Variants in SLC12A1 observed in about 807,000 individuals in gnomAD.
The protein encoded by SLC12A1 is solute carrier family 12 member 1.
Under a neutral mutation model 130.4 loss-of-function variants are expected in SLC12A1, and 89 were observed. The observed-to-expected ratio is 0.68, with a 90% CI of 0.58 to 0.81. The LOEUF (loss-of-function observed/expected upper bound fraction) is 0.81, where lower values mean the gene tolerates loss of function less well. Ranked by LOEUF, SLC12A1 falls within the 40% of genes least tolerant of loss-of-function variation. The pLI, the probability that SLC12A1 is intolerant of heterozygous loss-of-function variation, is 0.00. For synonymous variants in SLC12A1, 499 were observed against 460.0 expected, an observed-to-expected ratio of 1.08 and a Z score of -1.09; for missense variants, 1,310 against 1,336.4, an observed-to-expected ratio of 0.98 and a Z score of 0.31.
At chr15:48,237,097 AG>A in intron 9 of SLC12A1, 1 of 688,404 alleles carries the variant, frequency 1.5e-6, no homozygotes, top group South Asian at 1.5e-5. Flanking sequence ...TCAAGTGCAA[AG>A]GAAAGAGGAA....
At chr15:48,240,066 TATATCC>T (rs2041493285) in intron 9 of SLC12A1, among the ~76,000 whole-genome samples, 1 of 99,572 alleles carries the variant, frequency 1.0e-5, no homozygotes, top group African/African-American at 5.9e-5. Context: ...TATATATATA[TATATCC>T]ATATATATAT....
intron 2 of SLC12A1, among the ~76,000 whole-genome samples, chr15:48,211,729 T>C (rs1448400452): frequency 6.6e-6 from 1 of 152,198 alleles, no homozygotes; most frequent in Non-Finnish European, 1.5e-5. Flanking sequence ...TAAATTTTGG[T>C]TATAATTTCC....
At chr15:48,280,986 C>A (rs1368838137) in intron 20 of SLC12A1, among the ~76,000 whole-genome samples, 2 of 152,078 alleles carry the variant, frequency 1.3e-5, no homozygotes, top group African/African-American at 4.8e-5. Flanking sequence ...TTTCAACATA[C>A]AATTCTTGAG....
At chr15:48,237,209 AAAG>A in intron 9 of SLC12A1, 1 of 577,040 alleles carries the variant, frequency 1.7e-6, no homozygotes, top group Non-Finnish European at 3.1e-6. Flanking sequence ...CCGACAGGAC[AAAG>A]AAGAGACGGA....
chr15:48,241,703 G>C, intron 10 of SLC12A1, 104 bp downstream of exon 10: 1 of 806,046 alleles, frequency 1.2e-6, no homozygotes, highest in Non-Finnish European at 2.1e-6. Flanking sequence ...TTTTTTAAAA[G>C]GCAACAATTT....
chr15:48,235,757 A>C (rs1447144419), intron 9 of SLC12A1, among the ~76,000 whole-genome samples: 1 of 152,232 alleles, frequency 6.6e-6, no homozygotes, highest in Non-Finnish European at 1.5e-5. Flanking sequence ...CCAGTGGAAT[A>C]AGAAAAGTCT....
intron 21 of SLC12A1, 126 bp from the exon 22 acceptor site, chr15:48,287,917 T>G (rs986763979): frequency 2.0e-5 from 20 of 1,019,298 alleles, no homozygotes; most frequent in Middle Eastern, 2.1e-4. Flanking sequence ...ATACCGCTAT[T>G]TATTTTAGGT....
chr15:48,259,764 C>T (rs762166170), intron 17 of SLC12A1, among the ~76,000 whole-genome samples: 76 of 152,136 alleles, frequency 5.0e-4, no homozygotes, highest in Non-Finnish European at 3.7e-4. Context: ...AGTTTGATGA[C>T]ATTGCAGATA....
intron 15 of SLC12A1, among the ~76,000 whole-genome samples, chr15:48,252,668 AT>A (rs1441366590): frequency 2.0e-5 from 3 of 152,068 alleles, no homozygotes; most frequent in Non-Finnish European, 4.4e-5. Context: ...TTTAACAAAT[AT>A]TTTTTAAATG....
intron 15 of SLC12A1, 48 bp from the exon 16 acceptor site, chr15:48,255,763 A>G (rs748335595): frequency 8.6e-7 from 1 of 1,157,458 alleles, no homozygotes; most frequent in South Asian, 1.4e-5. Flanking sequence ...CATGGTGCAC[A>G]GAGGAAAGGT....
At chr15:48,289,752 A>C (rs1393781271) in intron 23 of SLC12A1, among the ~76,000 whole-genome samples, 4 of 152,132 alleles carry the variant, frequency 2.6e-5, no homozygotes, top group African/African-American at 9.7e-5. Flanking sequence ...AAGGTAAAAA[A>C]TGGTCCACTT....
chr15:48,230,781 G>A (rs1361861660), intron 7 of SLC12A1, among the ~76,000 whole-genome samples: 2 of 152,226 alleles, frequency 1.3e-5, no homozygotes, highest in Admixed American at 1.3e-4. Context: ...CATAGCAGTG[G>A]TGCACGCTGG....
Position 48,291,851 on chromosome 15 carries a change from CCAAA to C in SLC12A1, c.2952_2955del (p.Asn984LysfsTer10), listed in dbSNP as rs901038678. 3.2e-6 allele frequency: 5 copies of C among 1,561,194 alleles called. No homozygotes were observed. Among genetic ancestry groups the C allele is most frequent in the African/African-American group, 1.4e-5 (1 of 73,820 alleles). On this transcript the variant is annotated frameshift_variant, in exon 24 of 27. Transcript: ENST00000380993. LOFTEE classifies it high-confidence loss of function. ...TATCATCGGTGACATCAACATTAGG[CCAAA>C]CAAAGAGAGGTATGAAATATTTAAC...
intron 17 of SLC12A1, among the ~76,000 whole-genome samples, chr15:48,262,288 C>T (rs1479734481): frequency 6.6e-6 from 1 of 152,114 alleles, no homozygotes; most frequent in African/African-American, 2.4e-5. Context: ...GAAGTACTTG[C>T]TTTAAGTGCT....
intron 7 of SLC12A1, among the ~76,000 whole-genome samples, chr15:48,231,497 TC>T (rs1426263515): frequency 6.6e-6 from 1 of 152,208 alleles, no homozygotes; most frequent in East Asian, 1.9e-4. Flanking sequence ...AAGCTCCAGC[TC>T]TGTAGTTAGA....
At position 48,241,392 on chromosome 15, in the gene SLC12A1, C is replaced by A; in HGVS notation, c.1216-123C>A. Reference sequence around the variant, plus strand: ...CTCATCAACTTGCTGTTTGCTTGATCTTTTCTTAGAACTTGCCTCAGGAAG... The same window carrying A: ...CTCATCAACTTGCTGTTTGCTTGATATTTTCTTAGAACTTGCCTCAGGAAG... On this transcript the variant is annotated intron_variant, in intron 9 of 26. Coordinates refer to ENST00000380993, the MANE Select transcript of SLC12A1 (RefSeq NM_000338.3). The A allele has an allele frequency of 3.9e-6, 3 of 774,406 alleles. No homozygotes were observed. In the South Asian group the frequency reaches 4.5e-5, roughly 12 times the overall value. 48.0% of individuals were successfully genotyped at this position (774,406 alleles called of 1,614,324 possible).
chr15:48,291,921 TG>T, intron 24 of SLC12A1, 57 bp downstream of exon 24: 1 of 1,093,518 alleles, frequency 9.1e-7, no homozygotes, highest in Non-Finnish European at 1.4e-6. Flanking sequence ...CATTCTCTTT[TG>T]TGTTGATTAT....
At position 48,289,796 on chromosome 15, in the gene SLC12A1, G is replaced by T. The variant is rs143589786; in HGVS notation, c.2873+1280G>T. ...CACTTACCATGAGTGGAACTTGCAG[G>T]ACTGGCAGTTGCTCTGGGTGAGTCA... On this transcript the variant is annotated intron_variant, in intron 23 of 26. Transcript: ENST00000380993. 4.5e-4 allele frequency among the ~76,000 whole-genome samples: 69 copies of T among 152,272 alleles called. 1 individual carries two copies. The South Asian group carries it at 9.5e-3, about 21-fold the overall frequency.
At position 48,255,921 on chromosome 15, in the gene SLC12A1, T is replaced by A; in HGVS notation, c.2042+11T>A. ...CGTAAAAAACTTCAGGTAAAGCTGG[T>A]GTCTCAGGCATCCTGGTGTTTTTCC... On this transcript the variant is annotated intron_variant, in intron 16 of 26. Coordinates refer to ENST00000380993, the MANE Select transcript of SLC12A1 (RefSeq NM_000338.3). The A allele has an allele frequency of 6.5e-6, 10 of 1,534,864 alleles. No homozygotes were observed. The highest frequency in any genetic ancestry group is 8.9e-6 in the Non-Finnish European group (10 of 1,122,270).
Sources: gnomAD v4.1 joint callset for allele counts (sites outside exome capture counted in the v4.1 genomes callset) on GRCh38, gnomAD v4.1.1 for gene constraint, MANE v1.5 for transcripts, NCBI Gene and HGNC (gene_info 2026-07-23, HGNC 2026-07-21) for gene names.